The following HSF4 variants were observed in gnomAD, a reference collection of about 807,000 sequenced individuals.
The protein encoded by HSF4 is heat shock factor protein 4.
A neutral mutation model predicts 52.0 loss-of-function variants in HSF4; 41 were observed. The observed-to-expected ratio is 0.79, with a 90% confidence interval of 0.61 to 1.02. The LOEUF is 1.02. Ranked by LOEUF, HSF4 falls within the 50% of genes least tolerant of loss-of-function variation. The pLI, the probability that HSF4 is intolerant of heterozygous loss-of-function variation, is 0.00. For synonymous variants in HSF4, 285 were observed against 273.0 expected, an observed-to-expected ratio of 1.04 and a Z score of -0.43; for missense variants, 610 against 651.1, an observed-to-expected ratio of 0.94 and a Z score of 0.69.
At chr16:67,166,877 G>T (rs1263127781) in intron 6 of HSF4, among the ~76,000 whole-genome samples, 1 of 151,904 alleles carries the variant, frequency 6.6e-6, no homozygotes, top group African/African-American at 2.4e-5. Context: ...CTCCGGCAAG[G>T]CTTCCCAACA....
upstream of HSF4, chr16:67,164,377 C>T (rs1169419460): frequency 2.5e-6 from 1 of 404,950 alleles, no homozygotes; most frequent in East Asian, 7.3e-5. Context: ...TGCTTCCCTG[C>T]CCCCCCTTCC....
chr16:67,165,289 C>T lies in HSF4; in HGVS notation c.124-233C>T, dbSNP rs2031168717. The T allele has an allele frequency of 3.3e-6, 2 of 600,052 alleles. No homozygotes were observed. The highest frequency in any genetic ancestry group is 1.9e-5 in the African/African-American group (1 of 53,770). The allele number at this position is 600,052 out of a possible 1,614,324, so 37.2% of individuals were successfully genotyped here. On this transcript the variant is annotated intron_variant, in intron 1 of 12. Transcript: ENST00000521374. This position sits in a 1 kb window ranked among gnomAD's most constrained non-coding sequence, Gnocchi z 6.9. ...CCCGTCAGCCTCTCCTTTCTGAGAA[C>T]TGAGTATGGAGTCAGGGTCTGGCTG...
At position 67,168,833 on chromosome 16, in the gene HSF4, G is replaced by A. The variant is rs2145927168; in HGVS notation, c.1085G>A (p.Gly362Glu). The change falls in exon 10 of 13, where the codon GGG (glycine) becomes GAG (glutamate). Residue 362 changes from glycine to glutamate, a missense_variant and splice_region_variant. Gly to Glu is a moderately conservative substitution (Grantham distance 98, BLOSUM62 -2). Transcript: ENST00000521374. Reference protein sequence around the residue: ...PGDPREIPDRGPLGLESGDRS... With the variant: ...PGDPREIPDREPLGLESGDRS... Reference sequence around the variant, plus strand: ...CAAAAGCAGTTCTGTCTGCACAGGGGGCCTCTGGGCCTGGAAAGCGGGGAC... The same window carrying A: ...CAAAAGCAGTTCTGTCTGCACAGGGAGCCTCTGGGCCTGGAAAGCGGGGAC... 1 of 1,613,192 alleles carries A rather than the reference G, an allele frequency of 6.2e-7. No homozygotes were observed. The highest frequency in any genetic ancestry group is 1.3e-5 in the African/African-American group (1 of 75,032).
intron 6 of HSF4, 43 bp downstream of exon 6, chr16:67,166,665 C>G: frequency 6.4e-7 from 1 of 1,567,786 alleles, no homozygotes. Context: ...CTTCCAAGAC[C>G]CCCCAGAAGT....
chr16:67,168,757 T>C (rs1281376626), intron 9 of HSF4, 74 bp from the exon 10 acceptor site: 7 of 1,091,968 alleles, frequency 6.4e-6, no homozygotes, highest in Non-Finnish European at 8.5e-6. Flanking sequence ...GATTAAAATC[T>C]TGATGCATCT....
Position 67,164,858 on chromosome 16 carries a change from C to T in HSF4, c.47C>T (p.Pro16Leu). 2.5e-6 allele frequency: 4 copies of T among 1,606,208 alleles called. No individual in the cohort carries two copies. The highest frequency in any genetic ancestry group is 3.4e-6 in the Non-Finnish European group (4 of 1,178,864). ...AALPTEPGPS[P>L]VPAFLGKLWA... ...CTGCCCACGGAGCCAGGCCCCAGCC[C>T]CGTGCCTGCCTTCCTCGGCAAGCTA... is the stretch of plus-strand genomic sequence containing the variant. The change falls in exon 1 of 13, where the codon CCC (proline) becomes CTC (leucine). Residue 16 changes from proline to leucine, a missense_variant. By Grantham distance (98) the Pro-to-Leu change is moderately conservative (BLOSUM62 -3). Transcript: ENST00000521374.
chr16:67,169,873 A>G lies in HSF4; in HGVS notation c.*88A>G. On this transcript the variant is annotated 3_prime_UTR_variant, in exon 13 of 13. Transcript: ENST00000521374. This position sits in a 1 kb window ranked among gnomAD's most constrained non-coding sequence, Gnocchi z 4.3. ...GGCGCCCCCTATCGGGGGTGAGCGAAGCCCCCACTACTAAATGGCCTCTCT... is the reference window on the plus strand; with the variant it reads ...GGCGCCCCCTATCGGGGGTGAGCGAGGCCCCCACTACTAAATGGCCTCTCT... 1.4e-6 allele frequency: 2 copies of G among 1,400,066 alleles called. No homozygotes were observed. Among genetic ancestry groups the G allele is most frequent in the South Asian group, 2.3e-5 (2 of 86,868 alleles). The allele number at this position is 1,400,066 out of a possible 1,614,324, so 86.7% of individuals were successfully genotyped here.
At position 67,167,780 on chromosome 16, in the gene HSF4, C is replaced by T. The variant is rs201298092; in HGVS notation, c.915C>T (p.Ala305=). The change falls in exon 9 of 13, where the codon GCC becomes GCT. Residue 305 remains alanine (A), a synonymous_variant. Coordinates refer to ENST00000521374, the MANE Select transcript of HSF4 (RefSeq NM_001374675.1). ...EPASPGGDGE[A]GLALAPNECD... Reference sequence around the variant, plus strand: ...CCAGTCCAGGGGGGGATGGCGAGGCCGGGCTGGCCCTGGCCCCAAACGAGT... The same window carrying T: ...CCAGTCCAGGGGGGGATGGCGAGGCTGGGCTGGCCCTGGCCCCAAACGAGT... The T allele has an allele frequency of 2.4e-3, 3,918 of 1,600,870 alleles. 11 individuals carry two copies. Among genetic ancestry groups the T allele is most frequent in the Non-Finnish European group, 2.7e-3 (3,201 of 1,174,256 alleles).
At chr16:67,163,901 T>C, upstream of HSF4, 1 of 1,521,504 alleles carries the variant, frequency 6.6e-7, no homozygotes, top group Non-Finnish European at 8.8e-7. Flanking sequence ...GCGCCCCGAG[T>C]GCTAGTGCCT....
chr16:67,165,510 C>G lies in HSF4; in HGVS notation c.124-12C>G, dbSNP rs1185339669. On this transcript the variant is annotated splice_polypyrimidine_tract_variant and intron_variant, in intron 1 of 12. Coordinates refer to ENST00000521374, the MANE Select transcript of HSF4 (RefSeq NM_001374675.1). This position sits in a 1 kb window ranked among gnomAD's most constrained non-coding sequence, Gnocchi z 6.9. ...CTCCGCCCGCACGGTGGGCGGGCGG[C>G]GTTCTTGGTAGAGCGGGACCAGTTT... is the stretch of plus-strand genomic sequence containing the variant. 3.7e-6 allele frequency: 6 copies of G among 1,611,306 alleles called. No individual in the cohort carries two copies. In the African/African-American group the frequency reaches 8.0e-5, roughly 22 times the overall value.
In HSF4 at chr16:67,165,850, G is replaced by C; in HGVS notation, c.360+4G>C. ...ACTGGAGCGCGTGCGGCGCAAGGTG[G>C]GGGCGGCCTGCGGGAATGAGCAAAG... On this transcript the variant is annotated splice_donor_region_variant and intron_variant, in intron 3 of 12. Transcript: ENST00000521374. The surrounding 1 kb of genome is among the most constrained non-coding windows in gnomAD (Gnocchi z 6.9). The C allele has an allele frequency of 6.2e-7, 1 of 1,601,890 alleles. No homozygotes were observed. Among genetic ancestry groups the C allele is most frequent in the Non-Finnish European group, 8.5e-7 (1 of 1,178,800 alleles).
chr16:67,166,787 T>G (rs1678934667), intron 6 of HSF4, among the ~76,000 whole-genome samples, 165 bp downstream of exon 6: 1 of 151,536 alleles, frequency 6.6e-6, no homozygotes, highest in Non-Finnish European at 1.5e-5. Context: ...CCCCCAACTC[T>G]GCCACCTGGT....
Position 67,165,395 on chromosome 16 carries a change from C to A in HSF4, c.124-127C>A. On this transcript the variant is annotated intron_variant, in intron 1 of 12. Coordinates refer to ENST00000521374, the MANE Select transcript of HSF4 (RefSeq NM_001374675.1). This position sits in a 1 kb window ranked among gnomAD's most constrained non-coding sequence, Gnocchi z 6.9. ...TGGCCTCGACCCATATCCCCGTAAGCGGCAGGCCTGGACCCAAGAGTGAGC... is the reference window on the plus strand; with the variant it reads ...TGGCCTCGACCCATATCCCCGTAAGAGGCAGGCCTGGACCCAAGAGTGAGC... 1.1e-6 allele frequency: 1 copy of A among 877,868 alleles called. No individual in the cohort carries two copies. Among genetic ancestry groups the A allele is most frequent in the Non-Finnish European group, 1.9e-6 (1 of 537,676 alleles). The allele number at this position is 877,868 out of a possible 1,614,324, so 54.4% of individuals were successfully genotyped here. A position where few individuals can be genotyped will look rare whatever the true frequency, so the allele number is the denominator to read the frequency against.
intron 1 of HSF4, 65 bp downstream of exon 1, chr16:67,164,999 A>G (rs2031139312): frequency 1.4e-6 from 2 of 1,479,726 alleles, no homozygotes; most frequent in Non-Finnish European, 1.8e-6. Flanking sequence ...GTGAACACCC[A>G]TGCCCGCCCA....
At position 67,165,499 on chromosome 16, in the gene HSF4, T is replaced by TGGGC; in HGVS notation, c.124-16_124-13dup. ...ACCCTCCTGGTCTCCGCCCGCACGGTGGGCGGGCGGCGTTCTTGGTAGAGC... is the reference window on the plus strand; with the variant it reads ...ACCCTCCTGGTCTCCGCCCGCACGGTGGGCGGGCGGGCGGCGTTCTTGGTAGAGC... On this transcript the variant is annotated intron_variant, in intron 1 of 12. Transcript: ENST00000521374. The surrounding 1 kb of genome is among the most constrained non-coding windows in gnomAD (Gnocchi z 6.9). 1 of 1,600,396 alleles carries TGGGC rather than the reference T, an allele frequency of 6.2e-7. No individual in the cohort carries two copies. Among genetic ancestry groups the TGGGC allele is most frequent in the Non-Finnish European group, 8.6e-7 (1 of 1,169,362 alleles).
chr16:67,164,429 A>G (rs1041821486), upstream of HSF4: 30 of 480,786 alleles, frequency 6.2e-5, 2 homozygotes, highest in Non-Finnish European at 8.2e-6. Flanking sequence ...GCCTCTGGCC[A>G]TTACCTTCTA....
upstream of HSF4, chr16:67,164,555 CCCACCCCACCCCACT>C (rs755239460): frequency 3.3e-4 from 159 of 482,652 alleles, no homozygotes; most frequent in Admixed American, 1.1e-3. Context: ...CTCATCTCAC[CCCACCCCACCCCACT>C]CCACCCCACC....
rs1567669052 is a variant in HSF4, at chr16:67,166,413, C to A, written c.561+18C>A. 3 of 1,603,412 alleles carry A rather than the reference C, an allele frequency of 1.9e-6. No homozygotes were observed. Among genetic ancestry groups the A allele is most frequent in the South Asian group, 1.1e-5 (1 of 89,718 alleles). On this transcript the variant is annotated intron_variant, in intron 5 of 12. Coordinates refer to ENST00000521374, the MANE Select transcript of HSF4 (RefSeq NM_001374675.1). ...TTGGCAAGGTGTTCCTCTCCCCAAG[C>A]CTCGCTTCTCCCTCCCACTCCTCGA...
upstream of HSF4, chr16:67,164,381 C>G: frequency 2.4e-6 from 1 of 412,030 alleles, no homozygotes. Flanking sequence ...TCCCTGCCCC[C>G]CCTTCCTATC....
Sources: gnomAD v4.1 joint callset for allele counts (sites outside exome capture counted in the v4.1 genomes callset) on GRCh38, gnomAD v4.1.1 for gene constraint, Gnocchi (gnomAD v3.1) non-coding constraint, MANE v1.5 for transcripts, NCBI Gene and HGNC (gene_info 2026-07-23, HGNC 2026-07-21) for gene names.